Variants in PEPD observed in about 807,000 individuals in gnomAD.
The protein encoded by PEPD is xaa-Pro dipeptidase.
In PEPD, 53 loss-of-function variants were observed where a neutral mutation model predicts 60.7. The observed-to-expected ratio is 0.87, with a 90% CI of 0.70 to 1.10. The LOEUF (loss-of-function observed/expected upper bound fraction) is 1.10. Among genes scored for constraint, PEPD ranks in the 50% least tolerant of loss-of-function variants. PEPD has a pLI of 0.00. For missense variants in PEPD, 711 were observed against 711.9 expected (o/e 1.00, Z 0.01); for synonymous variants, 267 against 284.1 (o/e 0.94, Z 0.60).
At position 33,427,462 on chromosome 19, in the gene PEPD, C is replaced by T. The variant is rs372603060; in HGVS notation, c.672-13819G>A. Among the ~76,000 whole-genome samples, 11 of 152,260 alleles carry T rather than the reference C, an allele frequency of 7.2e-5. No homozygotes were observed. The South Asian group carries it at 1.0e-3, about 14-fold the overall frequency. On this transcript the variant is annotated intron_variant, in intron 9 of 14. Coordinates refer to ENST00000244137, the MANE Select transcript of PEPD (RefSeq NM_000285.4). Reference sequence around the variant, plus strand: ...TTGGCTCCACAGAGGATGGGAGGGGCGATTTAAGAACCAACTCACATGTCC... The same window carrying T: ...TTGGCTCCACAGAGGATGGGAGGGGTGATTTAAGAACCAACTCACATGTCC...
chr19:33,457,325 G>A (rs1289830049), intron 9 of PEPD, among the ~76,000 whole-genome samples: 2 of 152,082 alleles, frequency 1.3e-5, no homozygotes, highest in African/African-American at 2.4e-5. Flanking sequence ...CAGTTATTTG[G>A]GGGGCTGAGG....
chr19:33,461,853 G>C (rs867229596), intron 9 of PEPD, among the ~76,000 whole-genome samples: 7 of 152,198 alleles, frequency 4.6e-5, no homozygotes, highest in South Asian at 2.1e-4. Flanking sequence ...GACGGAGCTG[G>C]GCTTCTGATT....
chr19:33,486,300 C>A (rs28483178), intron 6 of PEPD, among the ~76,000 whole-genome samples: 14 of 148,084 alleles, frequency 9.5e-5, no homozygotes, highest in African/African-American at 3.0e-4. Flanking sequence ...AATGAGCACC[C>A]GACCCCATGC....
At chr19:33,428,914 G>A (rs1018601062) in intron 9 of PEPD, among the ~76,000 whole-genome samples, 14 of 152,170 alleles carry the variant, frequency 9.2e-5, no homozygotes, top group Non-Finnish European at 1.6e-4. Context: ...ATGCATATAC[G>A]CACACATCCA....
intron 6 of PEPD, among the ~76,000 whole-genome samples, chr19:33,485,063 C>T (rs1017224319): frequency 6.6e-6 from 1 of 152,158 alleles, no homozygotes; most frequent in African/African-American, 2.4e-5. Flanking sequence ...CTGTCCCAGG[C>T]CACTGGCTTC....
intron 9 of PEPD, among the ~76,000 whole-genome samples, chr19:33,457,915 T>C (rs1178730442): frequency 6.6e-6 from 1 of 152,216 alleles, no homozygotes; most frequent in African/African-American, 2.4e-5. Context: ...TTTTGCAACC[T>C]GCTCCCAGGC....
chr19:33,425,676 T>G (rs1291106875), intron 9 of PEPD, among the ~76,000 whole-genome samples: 1 of 152,164 alleles, frequency 6.6e-6, no homozygotes. Flanking sequence ...TCTTAAAACA[T>G]ATATTTAAAG....
At chr19:33,518,496 T>C (rs1369687781) in intron 1 of PEPD, among the ~76,000 whole-genome samples, 1 of 152,126 alleles carries the variant, frequency 6.6e-6, no homozygotes, top group African/African-American at 2.4e-5. Context: ...TCCAGGGCAG[T>C]TCACCTTTGC....
At chr19:33,510,629 T>C (rs1435010770) in intron 3 of PEPD, among the ~76,000 whole-genome samples, 1 of 152,200 alleles carries the variant, frequency 6.6e-6, no homozygotes, top group Non-Finnish European at 1.5e-5. Flanking sequence ...GCCAGGAACA[T>C]GTGAGGCAAG....
chr19:33,439,478 C>A (rs1969443785), intron 9 of PEPD, among the ~76,000 whole-genome samples: 1 of 152,234 alleles, frequency 6.6e-6, no homozygotes, highest in African/African-American at 2.4e-5. Flanking sequence ...GTGCGTGGGC[C>A]TAGGCCAGGG....
intron 9 of PEPD, among the ~76,000 whole-genome samples, chr19:33,434,340 G>A (rs888818937): frequency 1.1e-4 from 17 of 152,246 alleles, no homozygotes; most frequent in African/African-American, 3.9e-4. Context: ...AGTGTGGGGC[G>A]CCAGGCATGG....
intron 3 of PEPD, among the ~76,000 whole-genome samples, chr19:33,508,993 C>T (rs1338692754): frequency 2.0e-5 from 3 of 152,224 alleles, no homozygotes; most frequent in Admixed American, 6.5e-5. Context: ...ACCAGACCCA[C>T]TTGCAAGCCC....
chr19:33,412,230 C>T (rs1968794102), intron 10 of PEPD, among the ~76,000 whole-genome samples: 1 of 152,176 alleles, frequency 6.6e-6, no homozygotes, highest in Non-Finnish European at 1.5e-5. Context: ...AGCTGTAATC[C>T]CAGTTACTCA....
At chr19:33,495,368 C>T (rs1024548723) in intron 4 of PEPD, among the ~76,000 whole-genome samples, 3 of 136,618 alleles carry the variant, frequency 2.2e-5, no homozygotes, top group Non-Finnish European at 4.8e-5. Flanking sequence ...TGTGGTGGCA[C>T]GTGCCTGTAG....
intron 9 of PEPD, among the ~76,000 whole-genome samples, chr19:33,448,590 T>G (rs1424536722): frequency 6.6e-6 from 1 of 152,218 alleles, no homozygotes; most frequent in Non-Finnish European, 1.5e-5. Context: ...CGACTATCTT[T>G]TTTTTCTCTT....
rs190540290 is a variant in PEPD, at chr19:33,519,790, G to A, written c.17+1954C>T. On this transcript the variant is annotated intron_variant, in intron 1 of 14. Transcript: ENST00000244137. ...AGAAAAGCTCTCATTCTGGGGCCAG[G>A]CGTGGTGGCTCACACCTGTAATCCT... is the stretch of plus-strand genomic sequence containing the variant. Among the ~76,000 whole-genome samples, 15 of 152,320 alleles carry A rather than the reference G, an allele frequency of 9.8e-5. No individual in the cohort carries two copies. In the East Asian group the frequency reaches 2.7e-3, roughly 27 times the overall value.
intron 4 of PEPD, among the ~76,000 whole-genome samples, chr19:33,498,842 C>G (rs1439405371): frequency 1.3e-5 from 2 of 151,956 alleles, no homozygotes; most frequent in Admixed American, 1.3e-4. Context: ...AGTCAGGTGC[C>G]CGTTCCACCA....
At chr19:33,431,180 AAGGGAGGGAGGGAGGGAGGGAGAG>A (rs1217921437) in intron 9 of PEPD, among the ~76,000 whole-genome samples, 1 of 129,886 alleles carries the variant, frequency 7.7e-6, no homozygotes, top group African/African-American at 2.9e-5. Flanking sequence ...GGAAGGAAGG[AAGGGAGGGAGGGAGGGAGGGAGAG>A]AGGGAGGGAG....
intron 6 of PEPD, among the ~76,000 whole-genome samples, chr19:33,488,684 G>A (rs1158154603): frequency 1.3e-5 from 2 of 152,130 alleles, no homozygotes; most frequent in Non-Finnish European, 2.9e-5. Context: ...CCTACTACCC[G>A]CCCCTCCACC....
Sources: gnomAD v4.1 joint callset for allele counts (sites outside exome capture counted in the v4.1 genomes callset) on GRCh38, gnomAD v4.1.1 for gene constraint, MANE v1.5 for transcripts, NCBI Gene and HGNC (gene_info 2026-07-23, HGNC 2026-07-21) for gene names.